FANCC: variants seen among roughly 807,000 people sequenced by gnomAD.
FANCC encodes Fanconi anemia group C protein.
A neutral mutation model predicts 71.3 loss-of-function variants in FANCC; 55 were observed. The observed-to-expected ratio is 0.77, with a 90% confidence interval of 0.62 to 0.97. The LOEUF (loss-of-function observed/expected upper bound fraction) is 0.97, where lower values mean the gene tolerates loss of function less well. FANCC is among the 50% of genes least tolerant of loss of function. The pLI, the probability that FANCC is intolerant of heterozygous loss-of-function variation, is 0.00. For missense variants in FANCC, 678 were observed against 670.9 expected (o/e 1.01, Z -0.12); for synonymous variants, 275 against 244.9 (o/e 1.12, Z -1.15).
At chr9:95,117,488 C>T (rs2072519193) in intron 10 of FANCC, 98 bp from the exon 11 acceptor site, 1 of 869,308 alleles carries the variant, frequency 1.2e-6, no homozygotes, top group African/African-American at 1.7e-5. Context: ...AAAAGACCCA[C>T]CAGTACTAAC....
chr9:95,137,751 T>C (rs1026268479), intron 7 of FANCC, among the ~76,000 whole-genome samples: 7 of 152,094 alleles, frequency 4.6e-5, no homozygotes, highest in Non-Finnish European at 8.8e-5. Context: ...GAGGAAGCTC[T>C]GAGTGTGGAG....
chr9:95,231,771 CTT>C (rs1241898503), intron 4 of FANCC, among the ~76,000 whole-genome samples: 1 of 152,100 alleles, frequency 6.6e-6, no homozygotes, highest in Non-Finnish European at 1.5e-5. Flanking sequence ...TAAAAAGAAA[CTT>C]ATTTATTATT....
chr9:95,252,274 C>CAAAAAAAAAAAAAAAAAAA (rs71366284), intron 1 of FANCC, among the ~76,000 whole-genome samples: 56 of 49,934 alleles, frequency 1.1e-3, no homozygotes, highest in South Asian at 2.2e-3. Context: ...GAGACTGATT[C>CAAAAAAAAAAAAAAAAAAA]AAAAAAAAAA....
intron 1 of FANCC, chr9:95,293,002 C>T: frequency 6.3e-7 from 1 of 1,579,706 alleles, no homozygotes; most frequent in Non-Finnish European, 8.7e-7. Context: ...CACAGGGACC[C>T]ACCTAGTAAG....
At chr9:95,123,832 G>C in intron 10 of FANCC, 1 of 660,862 alleles carries the variant, frequency 1.5e-6, no homozygotes, top group Non-Finnish European at 2.8e-6. Context: ...TTAGACCTGC[G>C]GATGCTGCCC....
rs1197938479 is a variant in FANCC, at chr9:95,101,729, T to C, written c.1655A>G (p.Lys552Arg). ...CTTCTAGACTTGAGTTCGCAGCTCT[T>C]TAAGGAGCTCTCGGGCCAGTTTTTC... Reference protein sequence around the residue: ...RSEKLARELLKELRTQV With the variant: ...RSEKLARELLRELRTQV Residue 552 changes from lysine to arginine, a missense_variant, in exon 15 of 15, where the codon AAA becomes AGA. Coordinates refer to ENST00000289081, the MANE Select transcript of FANCC (RefSeq NM_000136.3). The C allele has an allele frequency of 3.1e-6, 5 of 1,614,074 alleles. No homozygotes were observed. The highest frequency in any genetic ancestry group is 4.2e-6 in the Non-Finnish European group (5 of 1,179,992).
At chr9:95,259,019 C>T (rs1831847990) in intron 1 of FANCC, among the ~76,000 whole-genome samples, 3 of 152,148 alleles carry the variant, frequency 2.0e-5, no homozygotes, top group African/African-American at 7.2e-5. Flanking sequence ...AACTACAAAC[C>T]ATTGCTCAGG....
At chr9:95,144,503 G>A (rs1057120391) in intron 7 of FANCC, among the ~76,000 whole-genome samples, 29 of 152,194 alleles carry the variant, frequency 1.9e-4, no homozygotes, top group Non-Finnish European at 3.7e-4. Flanking sequence ...AGGAGTAGCT[G>A]TTCTCTGGGC....
chr9:95,300,595 C>T (rs1834664730), intron 1 of FANCC, among the ~76,000 whole-genome samples: 1 of 152,054 alleles, frequency 6.6e-6, no homozygotes, highest in Non-Finnish European at 1.5e-5. Flanking sequence ...GGATTACAGG[C>T]AACTGCCACC....
chr9:95,142,562 T>A (rs999591911), intron 7 of FANCC: 5 of 152,232 alleles, frequency 3.3e-5, no homozygotes, highest in Non-Finnish European at 7.3e-5. Context: ...ACGGGGTATT[T>A]ACTGTGGATA....
chr9:95,290,846 G>T (rs1293553525), intron 1 of FANCC, among the ~76,000 whole-genome samples: 1 of 152,030 alleles, frequency 6.6e-6, no homozygotes, highest in African/African-American at 2.4e-5. Context: ...CTAGCAAACA[G>T]AATTCAACAA....
chr9:95,190,373 C>A (rs356673), intron 4 of FANCC, among the ~76,000 whole-genome samples: 28,947 of 152,114 alleles, frequency 0.19, 2,891 homozygotes, highest in East Asian at 0.3. Flanking sequence ...GAAAAAAGTT[C>A]TCCTTGATCC....
chr9:95,199,478 C>T (rs1290122002), intron 4 of FANCC, among the ~76,000 whole-genome samples: 2 of 152,146 alleles, frequency 1.3e-5, no homozygotes, highest in Non-Finnish European at 2.9e-5. Context: ...TCAGCTCCAG[C>T]AAGACCACCT....
rs377271079 is a variant in FANCC at position 95,276,056 on chromosome 9, T to C, written c.-78-26687A>G. ...ATCAGACAGCCAGATGCTTGGTTTT[T>C]CCAGACAGTGAGAAAAGTTCCTGTT... On this transcript the variant is annotated intron_variant, in intron 1 of 14. Coordinates refer to ENST00000289081, the MANE Select transcript of FANCC (RefSeq NM_000136.3). 2.0e-4 allele frequency among the ~76,000 whole-genome samples: 31 copies of C among 152,342 alleles called. No individual in the cohort carries two copies. In the South Asian group the frequency reaches 5.0e-3, roughly 24 times the overall value.
At chr9:95,291,111 A>C (rs933635602) in intron 1 of FANCC, among the ~76,000 whole-genome samples, 1 of 152,200 alleles carries the variant, frequency 6.6e-6, no homozygotes, top group Non-Finnish European at 1.5e-5. Flanking sequence ...CAGACCCACA[A>C]CTAACCATAC....
chr9:95,199,698 C>A (rs944037391), intron 4 of FANCC, among the ~76,000 whole-genome samples: 1 of 152,208 alleles, frequency 6.6e-6, no homozygotes, highest in Non-Finnish European at 1.5e-5. Flanking sequence ...CCACCAGAGG[C>A]TCCTGGTTTC....
intron 13 of FANCC, among the ~76,000 whole-genome samples, chr9:95,108,442 T>C (rs2071632795): frequency 6.6e-6 from 1 of 152,212 alleles, no homozygotes; most frequent in Non-Finnish European, 1.5e-5. Context: ...ATCTGTTTTT[T>C]CTCTTGACCC....
In FANCC at chr9:95,125,191, C is replaced by A; in HGVS notation, c.897-6G>T. On this transcript the variant is annotated splice_polypyrimidine_tract_variant and splice_region_variant and intron_variant, in intron 9 of 14. Coordinates refer to ENST00000289081, the MANE Select transcript of FANCC (RefSeq NM_000136.3). ...CGGTTTCCAGGAGTGCACACCTGAA[C>A]AATGCAAAGTCAGATCAGAACACGT... is the stretch of plus-strand genomic sequence containing the variant. 1.2e-6 allele frequency: 2 copies of A among 1,609,802 alleles called. No homozygotes were observed. Among genetic ancestry groups the A allele is most frequent in the Non-Finnish European group, 1.7e-6 (2 of 1,176,088 alleles).
intron 4 of FANCC, among the ~76,000 whole-genome samples, chr9:95,219,123 T>C (rs1829065467): frequency 6.6e-6 from 1 of 152,154 alleles, no homozygotes; most frequent in South Asian, 2.1e-4. Flanking sequence ...GCTGGGACAC[T>C]TTGGATCTCA....
Sources: allele counts gnomAD v4.1 joint callset (sites outside exome capture counted in the v4.1 genomes callset), GRCh38; gene constraint gnomAD v4.1.1; transcripts MANE v1.5; gene names NCBI Gene and HGNC (gene_info 2026-07-23, HGNC 2026-07-21).